SLC35F4: variants seen among roughly 807,000 people sequenced by gnomAD.
SLC35F4 encodes the protein chromosome 14 open reading frame 36.
Under a neutral mutation model 44.2 loss-of-function variants are expected in SLC35F4, and 24 were observed. That is an observed-to-expected ratio of 0.54 (90% CI 0.39 to 0.76). The LOEUF is 0.76. SLC35F4 is among the 30% of genes least tolerant of loss of function. The pLI, the probability that SLC35F4 is intolerant of heterozygous loss-of-function variation, is 0.00. For synonymous variants in SLC35F4, 238 were observed against 223.6 expected (o/e 1.06, Z -0.57); for missense variants, 562 against 586.1 (o/e 0.96, Z 0.42).
chr14:57,900,032 T>C (rs549841628), intron 1 of SLC35F4, among the ~76,000 whole-genome samples: 1 of 152,266 alleles, frequency 6.6e-6, no homozygotes, highest in African/African-American at 2.4e-5. Context: ...GAGTGCCCTT[T>C]TTCCCAAGCC....
intron 1 of SLC35F4, among the ~76,000 whole-genome samples, chr14:57,858,128 C>T (rs1887303927): frequency 6.6e-6 from 1 of 151,968 alleles, no homozygotes; most frequent in South Asian, 2.1e-4. Flanking sequence ...GTGGTGATTC[C>T]TCAAGGATCT....
At chr14:57,979,310 A>G (rs905233500) in intron 1 of SLC35F4, among the ~76,000 whole-genome samples, 2 of 152,206 alleles carry the variant, frequency 1.3e-5, no homozygotes, top group African/African-American at 4.8e-5. Context: ...AGGGTACTCT[A>G]TGATAGATTG....
intron 1 of SLC35F4, among the ~76,000 whole-genome samples, chr14:57,602,781 A>C (rs376021951): frequency 4.1e-4 from 63 of 152,310 alleles, no homozygotes; most frequent in African/African-American, 1.4e-3. Flanking sequence ...GGATCAAGAC[A>C]TATTTTCTCT....
At chr14:57,977,305 C>T (rs577987443) in intron 1 of SLC35F4, among the ~76,000 whole-genome samples, 206 of 152,256 alleles carry the variant, frequency 1.4e-3, no homozygotes, top group Non-Finnish European at 2.6e-3. Flanking sequence ...GCTGCTCTGC[C>T]GCTTGAACCA....
At chr14:57,588,656 T>A (rs1193277592) in intron 3 of SLC35F4, among the ~76,000 whole-genome samples, 3 of 152,160 alleles carry the variant, frequency 2.0e-5, no homozygotes, top group African/African-American at 7.2e-5. Context: ...CATGTGCATC[T>A]AGGCAGCAAA....
chr14:57,721,015 T>TATAC (rs2076074856), intron 1 of SLC35F4, among the ~76,000 whole-genome samples: 1 of 120,702 alleles, frequency 8.3e-6, no homozygotes, highest in Non-Finnish European at 1.8e-5. Flanking sequence ...TATATATATA[T>TATAC]GAGTTAATAA....
intron 1 of SLC35F4, among the ~76,000 whole-genome samples, chr14:57,677,657 A>T (rs539990215): frequency 1.3e-5 from 2 of 152,172 alleles, no homozygotes; most frequent in African/African-American, 4.8e-5. Flanking sequence ...AACAAATGAG[A>T]TGACTAATGA....
chr14:57,727,451 C>T (rs1186732142), intron 1 of SLC35F4, among the ~76,000 whole-genome samples: 2 of 149,962 alleles, frequency 1.3e-5, no homozygotes. Context: ...GTTCAGTTTA[C>T]TCTTGTTTTT....
chr14:57,623,476 GA>G (rs2072309243), intron 1 of SLC35F4, among the ~76,000 whole-genome samples: 1 of 152,166 alleles, frequency 6.6e-6, no homozygotes, highest in African/African-American at 2.4e-5. Context: ...GACATCTAGA[GA>G]ACTCTCCACC....
At chr14:57,591,259 A>G (rs139354729) in intron 2 of SLC35F4, among the ~76,000 whole-genome samples, 3,826 of 152,102 alleles carry the variant, frequency 0.025, 72 homozygotes, top group South Asian at 0.048. Context: ...GCCAGCTCAG[A>G]CAGATACAAT....
intron 1 of SLC35F4, among the ~76,000 whole-genome samples, chr14:57,618,950 C>T (rs866952046): frequency 1.1e-4 from 17 of 152,142 alleles, no homozygotes; most frequent in Admixed American, 7.2e-4. Context: ...TGGAGCCCAC[C>T]GCAGCTCAGC....
intron 1 of SLC35F4, among the ~76,000 whole-genome samples, chr14:57,646,856 T>G (rs559358320): frequency 6.6e-5 from 10 of 152,266 alleles, no homozygotes; most frequent in African/African-American, 2.2e-4. Flanking sequence ...AACATCTTTA[T>G]TTCTGCCTTC....
intron 1 of SLC35F4, among the ~76,000 whole-genome samples, chr14:57,855,453 G>A (rs924870264): frequency 6.6e-6 from 1 of 152,168 alleles, no homozygotes; most frequent in Non-Finnish European, 1.5e-5. Flanking sequence ...CACCATCACT[G>A]GTCATTAGAG....
intron 1 of SLC35F4, among the ~76,000 whole-genome samples, chr14:57,664,909 C>T (rs1354860719): frequency 1.3e-5 from 2 of 152,090 alleles, no homozygotes. Context: ...GAAAACAGAG[C>T]CTAACCAAGC....
chr14:57,584,353 A>AAT (rs1195496139), intron 3 of SLC35F4, among the ~76,000 whole-genome samples: 11 of 152,204 alleles, frequency 7.2e-5, no homozygotes, highest in African/African-American at 2.4e-4. Context: ...GAGAAAATAG[A>AAT]TTCTGGTGCT....
intron 1 of SLC35F4, among the ~76,000 whole-genome samples, chr14:57,607,610 A>G (rs757518085): frequency 6.6e-5 from 10 of 152,324 alleles, no homozygotes; most frequent in Non-Finnish European, 1.3e-4. Flanking sequence ...CCTAACACCA[A>G]TCTCGGCCAA....
At chr14:57,815,973 T>C (rs999324687) in intron 1 of SLC35F4, among the ~76,000 whole-genome samples, 1 of 152,140 alleles carries the variant, frequency 6.6e-6, no homozygotes, top group Non-Finnish European at 1.5e-5. Context: ...AACCTATTGA[T>C]AAAGAAGCAA....
chr14:57,660,182 T>C (rs896198273), intron 1 of SLC35F4, among the ~76,000 whole-genome samples: 1 of 152,202 alleles, frequency 6.6e-6, no homozygotes, highest in Non-Finnish European at 1.5e-5. Context: ...GGTTTAAAAA[T>C]AGCAGATGAA....
intron 6 of SLC35F4, among the ~76,000 whole-genome samples, chr14:57,568,574 A>T (rs1344297530): frequency 6.6e-6 from 1 of 152,184 alleles, no homozygotes; most frequent in Non-Finnish European, 1.5e-5. Context: ...AGGGACCAAC[A>T]ATTAATGTTT....
Sources: allele counts gnomAD v4.1 joint callset (sites outside exome capture counted in the v4.1 genomes callset), GRCh38; gene constraint gnomAD v4.1.1; transcripts MANE v1.5; gene names NCBI Gene and HGNC (gene_info 2026-07-23, HGNC 2026-07-21).